VPS13B: variants seen among roughly 807,000 people sequenced by gnomAD.
The protein encoded by VPS13B is intermembrane lipid transfer protein VPS13B.
In VPS13B, 285 loss-of-function variants were observed where a neutral mutation model predicts 426.4. That is an observed-to-expected ratio of 0.67 (90% CI 0.61 to 0.74). The LOEUF is 0.74. Among genes scored for constraint, VPS13B ranks in the 30% least tolerant of loss-of-function variants. The probability of loss-of-function intolerance (pLI) is 0.00; values close to 1 mark genes in which losing one functional copy is unlikely to be tolerated. For missense variants in VPS13B, 4,537 were observed against 4,782.6 expected (o/e 0.95, Z 1.51); for synonymous variants, 1,676 against 1,676.4 (o/e 1.00, Z 0.01).
intron 31 of VPS13B, among the ~76,000 whole-genome samples, chr8:99,558,569 C>G (rs1824715219): frequency 6.6e-6 from 1 of 152,108 alleles, no homozygotes; most frequent in Admixed American, 6.5e-5. Flanking sequence ...CTACCCCCAC[C>G]CCACAACAGG....
intron 17 of VPS13B, among the ~76,000 whole-genome samples, chr8:99,225,727 T>C (rs1322273656): frequency 6.6e-6 from 1 of 152,194 alleles, no homozygotes; most frequent in Non-Finnish European, 1.5e-5. Flanking sequence ...ATAGTACTGT[T>C]GTAATAATAT....
At chr8:99,239,383 T>A (rs1014671346) in intron 17 of VPS13B, among the ~76,000 whole-genome samples, 1 of 152,182 alleles carries the variant, frequency 6.6e-6, no homozygotes, top group African/African-American at 2.4e-5. Flanking sequence ...ATCATCTGGA[T>A]ACCCTATTTT....
intron 9 of VPS13B, 122 bp from the exon 10 acceptor site, chr8:99,134,893 A>G: frequency 7.7e-7 from 1 of 1,292,272 alleles, no homozygotes; most frequent in East Asian, 2.5e-5. Flanking sequence ...AATAGTATAG[A>G]ATAAATTTAA....
chr8:99,870,686 T>TAAC (rs1174837378), intron 59 of VPS13B, 99 bp from the exon 60 acceptor site: 1 of 1,114,142 alleles, frequency 9.0e-7, no homozygotes, highest in African/African-American at 1.5e-5. Flanking sequence ...TTTGGATCTG[T>TAAC]AACATTTTAT....
chr8:99,066,345 C>T (rs1452425087), intron 3 of VPS13B, among the ~76,000 whole-genome samples: 1 of 152,152 alleles, frequency 6.6e-6, no homozygotes, highest in African/African-American at 2.4e-5. Flanking sequence ...AGAAATAACA[C>T]CACACATCTA....
At chr8:99,288,520 C>A (rs1009864831) in intron 19 of VPS13B, among the ~76,000 whole-genome samples, 1 of 151,698 alleles carries the variant, frequency 6.6e-6, no homozygotes, top group East Asian at 1.9e-4. Context: ...AATATATATA[C>A]CCTGAAAGTC....
intron 15 of VPS13B, among the ~76,000 whole-genome samples, chr8:99,167,311 A>C (rs1443842414): frequency 6.6e-6 from 1 of 152,116 alleles, no homozygotes; most frequent in Non-Finnish European, 1.5e-5. Context: ...TATTGCATAC[A>C]TACCAACTTT....
intron 33 of VPS13B, among the ~76,000 whole-genome samples, chr8:99,596,515 CTTG>C (rs753706419): frequency 3.3e-5 from 5 of 152,082 alleles, no homozygotes; most frequent in South Asian, 4.1e-4. Flanking sequence ...TGTCTCCTCT[CTTG>C]TTGTTAATTT....
intron 16 of VPS13B, among the ~76,000 whole-genome samples, chr8:99,191,149 A>C (rs1044227676): frequency 6.6e-5 from 10 of 151,508 alleles, no homozygotes; most frequent in Non-Finnish European, 1.2e-4. Context: ...TCTGATGAGG[A>C]GTCTGCTTTC....
At chr8:99,201,335 T>C (rs1241252255) in intron 17 of VPS13B, among the ~76,000 whole-genome samples, 3 of 152,010 alleles carry the variant, frequency 2.0e-5, no homozygotes, top group Non-Finnish European at 4.4e-5. Context: ...TGAAATCAAC[T>C]TCATTGATTA....
intron 19 of VPS13B, among the ~76,000 whole-genome samples, chr8:99,316,570 A>G (rs3134306): frequency 0.83 from 125,686 of 152,066 alleles, 52,460 homozygotes; most frequent in South Asian, 0.89. Flanking sequence ...TCTGTGGGGG[A>G]AATGTGGACT....
intron 39 of VPS13B, among the ~76,000 whole-genome samples, chr8:99,726,454 T>C (rs1833353316): frequency 6.6e-6 from 1 of 152,200 alleles, no homozygotes; most frequent in Non-Finnish European, 1.5e-5. Context: ...GAGGATTCCA[T>C]TTTGGAAATG....
chr8:99,422,602 T>C (rs989343930), intron 21 of VPS13B, among the ~76,000 whole-genome samples: 1 of 152,288 alleles, frequency 6.6e-6, no homozygotes, highest in Admixed American at 6.5e-5. Flanking sequence ...CCTAGAGCTA[T>C]ACAGTAATAT....
chr8:99,856,702 G>C (rs1816567729), intron 56 of VPS13B, among the ~76,000 whole-genome samples: 1 of 152,250 alleles, frequency 6.6e-6, no homozygotes, highest in Middle Eastern at 3.4e-3. Flanking sequence ...TTAGCCAGGT[G>C]TGGGGGCATG....
At chr8:99,491,887 AT>A (rs1249140183) in intron 25 of VPS13B, among the ~76,000 whole-genome samples, 1 of 152,170 alleles carries the variant, frequency 6.6e-6, no homozygotes, top group Non-Finnish European at 1.5e-5. Flanking sequence ...GTCATTCTCC[AT>A]CCAGTTTTGT....
intron 54 of VPS13B, among the ~76,000 whole-genome samples, chr8:99,846,862 G>A (rs74797034): frequency 2.6e-5 from 4 of 152,084 alleles, no homozygotes; most frequent in South Asian, 4.1e-4. Context: ...TTCTCTATTC[G>A]CATCCCCTCC....
At chr8:99,547,032 C>G (rs1323873871) in intron 30 of VPS13B, among the ~76,000 whole-genome samples, 1 of 151,926 alleles carries the variant, frequency 6.6e-6, no homozygotes. Flanking sequence ...TCTGTGCTCA[C>G]CTTGGTTCAG....
chr8:99,708,153 ACAGT>A (rs888413505), intron 36 of VPS13B, among the ~76,000 whole-genome samples: 13 of 152,016 alleles, frequency 8.6e-5, no homozygotes, highest in African/African-American at 1.2e-4. Context: ...TCCAGTATGC[ACAGT>A]CAGATCTGCC....
chr8:99,204,026 A>C (rs1444576945), intron 17 of VPS13B, among the ~76,000 whole-genome samples: 1 of 152,212 alleles, frequency 6.6e-6, no homozygotes, highest in Non-Finnish European at 1.5e-5. Context: ...TTCATATAGA[A>C]CCAAAAAAGG....
Sources: allele counts gnomAD v4.1 joint callset (sites outside exome capture counted in the v4.1 genomes callset), GRCh38; gene constraint gnomAD v4.1.1; transcripts MANE v1.5; gene names NCBI Gene and HGNC (gene_info 2026-07-23, HGNC 2026-07-21).